The following SIGLEC1 variants were observed in gnomAD, a reference collection of about 807,000 sequenced individuals.
SIGLEC1 encodes sialoadhesin.
In SIGLEC1, 132 loss-of-function variants were observed where a neutral mutation model predicts 148.0. The observed-to-expected ratio is 0.89, with a 90% CI of 0.77 to 1.03. The LOEUF is 1.03. SIGLEC1 is among the 50% of genes least tolerant of loss of function. The pLI is 0.00. For synonymous variants in SIGLEC1, 945 were observed against 969.0 expected (o/e 0.98, Z 0.46); for missense variants, 2,253 against 2,271.4 (o/e 0.99, Z 0.16).
At position 3,703,235 on chromosome 20, in the gene SIGLEC1, C is replaced by T. The variant is rs1268902356; in HGVS notation, c.1190G>A (p.Gly397Asp). The T allele has an allele frequency of 6.2e-7, 1 of 1,614,140 alleles. No individual in the cohort carries two copies. Among genetic ancestry groups the T allele is most frequent in the Non-Finnish European group, 8.5e-7 (1 of 1,180,032 alleles). ...GCTGACAGGGCCCGAGCGCTCGCTG[C>T]CATGGACGTTCTGCACCTCACAGAA... ...FYFCEVQNVH[G>D]SERSGPVSVV... Residue 397 changes from glycine (G) to aspartate (D), a missense_variant, in exon 6 of 22, where the codon GGC (glycine) becomes GAC (aspartate). Coordinates refer to ENST00000344754, the MANE Select transcript of SIGLEC1 (RefSeq NM_023068.4).
intron 1 of SIGLEC1, among the ~76,000 whole-genome samples, chr20:3,709,880 A>T (rs1472550549): frequency 2.6e-5 from 4 of 152,238 alleles, no homozygotes; most frequent in African/African-American, 9.6e-5. Context: ...AAAGTAGAAT[A>T]GGATAGAGGT....
Position 3,692,713 on chromosome 20 carries a change from T to C in SIGLEC1, c.3838A>G (p.Thr1280Ala). 1 of 1,612,702 alleles carries C rather than the reference T, an allele frequency of 6.2e-7. No homozygotes were observed. The highest frequency in any genetic ancestry group is 8.5e-7 in the Non-Finnish European group (1 of 1,179,880). Reference sequence around the variant, plus strand: ...GCGTGGGCAGCAGGGTCCGCACAGGTCACTGTGATGGGGGCACCTTCAGGC... The same window carrying C: ...GCGTGGGCAGCAGGGTCCGCACAGGCCACTGTGATGGGGGCACCTTCAGGC... ...AVPEGAPITV[T>A]CADPAAHAPT... is the part of the protein sequence containing the mutation. The change falls in exon 16 of 22, where the codon ACC becomes GCC. Residue 1280 changes from threonine (T) to alanine (A), a missense_variant. By Grantham distance (58) the Thr-to-Ala change is moderately conservative. Coordinates refer to ENST00000344754, the MANE Select transcript of SIGLEC1 (RefSeq NM_023068.4).
rs1313785788 is a variant in SIGLEC1, at chr20:3,696,594, T to C, written c.2675A>G (p.Gln892Arg). 1.2e-6 allele frequency: 2 copies of C among 1,607,190 alleles called. No homozygotes were observed. Among genetic ancestry groups the C allele is most frequent in the East Asian group, 2.2e-5 (1 of 44,772 alleles). Residue 892 changes from glutamine to arginine, a missense_variant, in exon 11 of 22, where the codon CAG becomes CGG. Coordinates refer to ENST00000344754, the MANE Select transcript of SIGLEC1 (RefSeq NM_023068.4). ...AGAAGACTGACACTCACCTCGGACC[T>C]GGAAGAAGAGTGAGGTGTTGGATGA... is the stretch of plus-strand genomic sequence containing the variant. ...LGSSNTSLFFQVRGAWVQVSP... is the reference protein window; with the variant it reads ...LGSSNTSLFFRVRGAWVQVSP...
Position 3,694,405 on chromosome 20 carries a change from C to T in SIGLEC1, c.3072G>A (p.Val1024=). 1 of 1,613,038 alleles carries T rather than the reference C, an allele frequency of 6.2e-7. No individual in the cohort carries two copies. The highest frequency in any genetic ancestry group is 8.5e-7 in the Non-Finnish European group (1 of 1,179,700). Residue 1024 remains valine (V), a synonymous_variant, in exon 13 of 22, where the codon GTG becomes GTA. Transcript: ENST00000344754. The part of the protein sequence containing the change: ...QLRLLHGDRL[V]ASTLQGVGGP... Reference sequence around the variant, plus strand: ...CCCCCACACCTTGTAGGGTGGAGGCCACAAGGCGATCCCCGTGGAGCAGCC... The same window carrying T: ...CCCCCACACCTTGTAGGGTGGAGGCTACAAGGCGATCCCCGTGGAGCAGCC...
At chr20:3,700,306 C>T (rs660488) in intron 7 of SIGLEC1, among the ~76,000 whole-genome samples, 9,397 of 151,116 alleles carry the variant, frequency 0.062, 381 homozygotes, top group East Asian at 0.11. Context: ...TTAGTGGAGA[C>T]GGGGTTTCAC....
At position 3,691,383 on chromosome 20, in the gene SIGLEC1, G is replaced by A; in HGVS notation, c.4548C>T (p.Pro1516=). 1 of 1,613,444 alleles carries A rather than the reference G, an allele frequency of 6.2e-7. No homozygotes were observed. ...CTGGAGCAGAGGCAGCAGCCCCAGTGGGGAGCTCAGCCAGGCAGTGGTACA... is the reference window on the plus strand; with the variant it reads ...CTGGAGCAGAGGCAGCAGCCCCAGTAGGGAGCTCAGCCAGGCAGTGGTACA... ...AGMYHCLAEL[P]TGAAASAPVM... is the part of the protein sequence containing the mutation. Residue 1516 remains proline (P), a synonymous_variant, in exon 18 of 22, where the codon CCC becomes CCT. Coordinates refer to ENST00000344754, the MANE Select transcript of SIGLEC1 (RefSeq NM_023068.4).
intron 12 of SIGLEC1, 28 bp from the exon 13 acceptor site, chr20:3,694,560 C>T (rs2146522089): frequency 1.3e-6 from 2 of 1,557,140 alleles, no homozygotes; most frequent in African/African-American, 1.4e-5. Context: ...TGGTCAGGAC[C>T]CAGCCAGGGG....
intron 4 of SIGLEC1, 134 bp downstream of exon 4, chr20:3,705,610 A>G: frequency 1.1e-6 from 1 of 922,484 alleles, no homozygotes; most frequent in Non-Finnish European, 1.6e-6. Flanking sequence ...CACTTGCCCT[A>G]CCCTGGAGGC....
At position 3,693,069 on chromosome 20, in the gene SIGLEC1, C is replaced by T. The variant is rs754728790; in HGVS notation, c.3571G>A (p.Val1191Ile). 5.6e-6 allele frequency: 9 copies of T among 1,601,660 alleles called. No individual in the cohort carries two copies. The East Asian group carries it at 1.3e-4, about 24-fold the overall frequency. Residue 1191 changes from valine (V) to isoleucine (I), a missense_variant, in exon 15 of 22, where the codon GTA becomes ATA. Transcript: ENST00000344754. The stretch of plus-strand genomic sequence containing the variant: ...GGGCGGCTGTCCACAGTGCACAGTA[C>T]CAGGGCCAGCTGCCCGCCATGGCTC... ...LESHGGQLALVLCTVDSRPPA... is the reference protein window; with the variant it reads ...LESHGGQLALILCTVDSRPPA...
chr20:3,703,896 C>A lies in SIGLEC1; in HGVS notation c.902G>T (p.Gly301Val). 2 of 1,614,042 alleles carry A rather than the reference C, an allele frequency of 1.2e-6. No individual in the cohort carries two copies. The highest frequency in any genetic ancestry group is 8.5e-7 in the Non-Finnish European group (1 of 1,180,006). ...GTTCTCAGCTTGGCAGGTGTAGACG[C>A]CAGCATCGCTCCAGGCTGCCTGGGG... ...HLPQAAWSDA[G>V]VYTCQAENGV... Residue 301 changes from glycine (G) to valine (V), a missense_variant, in exon 5 of 22, where the codon GGC (glycine) becomes GTC (valine). Coordinates refer to ENST00000344754, the MANE Select transcript of SIGLEC1 (RefSeq NM_023068.4).
At chr20:3,708,267 G>T (rs886186136) in intron 1 of SIGLEC1, among the ~76,000 whole-genome samples, 1 of 152,134 alleles carries the variant, frequency 6.6e-6, no homozygotes, top group African/African-American at 2.4e-5. Context: ...CCTCAACCAT[G>T]GAGTGCCCCT....
chr20:3,709,324 C>T (rs2087916575), intron 1 of SIGLEC1, among the ~76,000 whole-genome samples: 2 of 152,168 alleles, frequency 1.3e-5, no homozygotes, highest in Non-Finnish European at 2.9e-5. Context: ...TGCTCAACAT[C>T]ACTAGGCATT....
At position 3,693,695 on chromosome 20, in the gene SIGLEC1, A is replaced by T; in HGVS notation, c.3260T>A (p.Val1087Glu). 1.3e-6 allele frequency: 2 copies of T among 1,574,848 alleles called. No homozygotes were observed. Among genetic ancestry groups the T allele is most frequent in the Non-Finnish European group, 1.7e-6 (2 of 1,157,570 alleles). ...AGCCCCGGGCCACACCTGCACATTC[A>T]CAGCTGGGGAGAGGGAGGGCACAGG... ...SASADFDAQA[V>E]NVQVWPGATV... is the part of the protein sequence containing the mutation. Residue 1087 changes from valine to glutamate, a missense_variant, in exon 14 of 22, where the codon GTG becomes GAG. By Grantham distance (121) the Val-to-Glu change is moderately radical (BLOSUM62 -2). Transcript: ENST00000344754.
intron 8 of SIGLEC1, 110 bp downstream of exon 8, chr20:3,699,092 C>A (rs2087827978): frequency 3.1e-6 from 4 of 1,305,742 alleles, no homozygotes; most frequent in African/African-American, 1.5e-5. Context: ...TGTGACCCAG[C>A]CCTCCCGATA....
At position 3,694,815 on chromosome 20, in the gene SIGLEC1, T is replaced by C; in HGVS notation, c.2792A>G (p.Tyr931Cys). 1.9e-6 allele frequency: 3 copies of C among 1,613,542 alleles called. No homozygotes were observed. The highest frequency in any genetic ancestry group is 2.5e-6 in the Non-Finnish European group (3 of 1,179,978). The change falls in exon 12 of 22, where the codon TAT (tyrosine) becomes TGT (cysteine). Residue 931 changes from tyrosine to cysteine, a missense_variant. Coordinates refer to ENST00000344754, the MANE Select transcript of SIGLEC1 (RefSeq NM_023068.4). ...CTCCTGGAGGGGCTGGCCATCCCGATACCAACGATATGAGGTCCCCTCTGG... is the reference window on the plus strand; with the variant it reads ...CTCCTGGAGGGGCTGGCCATCCCGACACCAACGATATGAGGTCCCCTCTGG... ...GVPEGTSYRW[Y>C]RDGQPLQEST... is the part of the protein sequence containing the mutation.
rs1006682462 is a variant in SIGLEC1, at chr20:3,701,481, T to C, written c.1389A>G (p.Pro463=). 2 of 1,613,964 alleles carry C rather than the reference T, an allele frequency of 1.2e-6. No homozygotes were observed. The highest frequency in any genetic ancestry group is 1.3e-5 in the African/African-American group (1 of 74,930). ...TGGGACCAGAGGTACCACTGAAGCG[T>C]GGGCTGTGATCACTGTCCCCGGAGG... is the stretch of plus-strand genomic sequence containing the variant. ...ASTSGDSDHS[P]RFSGTSGPNS... The change falls in exon 7 of 22, where the codon CCA becomes CCG. Residue 463 remains proline (P), a synonymous_variant. Coordinates refer to ENST00000344754, the MANE Select transcript of SIGLEC1 (RefSeq NM_023068.4).
At chr20:3,693,774 G>A in intron 13 of SIGLEC1, 76 bp from the exon 14 acceptor site, 2 of 1,433,130 alleles carry the variant, frequency 1.4e-6, no homozygotes, top group East Asian at 2.4e-5. Context: ...CTCCATGTGG[G>A]TGAGCTACTC....
chr20:3,701,447 G>T lies in SIGLEC1; in HGVS notation c.1423C>A (p.Arg475Ser), dbSNP rs146938047. Residue 475 changes from arginine (R) to serine (S), a missense_variant, in exon 7 of 22, where the codon CGC becomes AGC. Transcript: ENST00000344754. Reference protein sequence around the residue: ...FSGTSGPNSLRLEIRDLEETD... With the variant: ...FSGTSGPNSLSLEIRDLEETD... The stretch of plus-strand genomic sequence containing the variant: ...TCCTCCAGGTCTCGGATCTCCAGGC[G>T]CAGGGAGTTGGGACCAGAGGTACCA... 9 of 1,613,984 alleles carry T rather than the reference G, an allele frequency of 5.6e-6. No homozygotes were observed. The East Asian group carries it at 1.3e-4, about 24-fold the overall frequency.
intron 1 of SIGLEC1, among the ~76,000 whole-genome samples, chr20:3,711,135 A>G (rs2087926499): frequency 6.6e-6 from 1 of 152,224 alleles, no homozygotes; most frequent in African/African-American, 2.4e-5. Flanking sequence ...AACAGGGAGC[A>G]GGCAGCTCTG....
Sources: gnomAD v4.1 joint callset for allele counts (sites outside exome capture counted in the v4.1 genomes callset) on GRCh38, gnomAD v4.1.1 for gene constraint, MANE v1.5 for transcripts, NCBI Gene and HGNC (gene_info 2026-07-23, HGNC 2026-07-21) for gene names.